Variants in SCML4 observed in about 807,000 individuals in gnomAD.
SCML4 encodes sex comb on midleg-like protein 4.
In SCML4, 34 loss-of-function variants were observed where a neutral mutation model predicts 41.1. That is an observed-to-expected ratio of 0.83 (90% confidence interval 0.63 to 1.10). The LOEUF is 1.10. Ranked by LOEUF, SCML4 falls within the 50% of genes least tolerant of loss-of-function variation. The pLI is 0.00. For synonymous variants in SCML4, 214 were observed against 220.9 expected (o/e 0.97, Z 0.28); for missense variants, 522 against 534.1 (o/e 0.98, Z 0.22).
At chr6:107,818,472 C>G (rs1250549315) in intron 1 of SCML4, among the ~76,000 whole-genome samples, 1 of 152,228 alleles carries the variant, frequency 6.6e-6, no homozygotes, top group African/African-American at 2.4e-5. Context: ...GAATCAACAG[C>G]ATGTCTTAAT....
intron 6 of SCML4, 77 bp from the exon 7 acceptor site, chr6:107,708,088 C>T: frequency 6.7e-7 from 1 of 1,485,076 alleles, no homozygotes; most frequent in East Asian, 2.5e-5. Flanking sequence ...CCTGCCCCCA[C>T]CTAGCCTGGA....
chr6:107,710,078 G>A (rs143537193), intron 6 of SCML4, among the ~76,000 whole-genome samples: 1 of 152,266 alleles, frequency 6.6e-6, no homozygotes, highest in Non-Finnish European at 1.5e-5. Flanking sequence ...ATTCCACTTT[G>A]TAGTACAATT....
rs57752589 is a variant in SCML4 at position 107,737,228 on chromosome 6, G to A, written c.682+7721C>T. Among the ~76,000 whole-genome samples the A allele has an allele frequency of 6.7e-3, 1,022 of 152,332 alleles. 12 individuals are homozygous for A. The highest frequency in any genetic ancestry group is 0.023 in the African/African-American group (972 of 41,566). On this transcript the variant is annotated intron_variant, in intron 5 of 7. Transcript: ENST00000369020. ...AGCAGAATCAAATGCCATTGTGGACGTGGAAATAAGGATCTGGGGAGAACA... is the reference window on the plus strand; with the variant it reads ...AGCAGAATCAAATGCCATTGTGGACATGGAAATAAGGATCTGGGGAGAACA...
chr6:107,706,467 T>C (rs998609135), intron 7 of SCML4, among the ~76,000 whole-genome samples: 1 of 152,202 alleles, frequency 6.6e-6, no homozygotes, highest in East Asian at 1.9e-4. Context: ...GCATGATTTC[T>C]ATGACAGAAT....
At chr6:107,714,179 C>G (rs1774518345) in intron 6 of SCML4, among the ~76,000 whole-genome samples, 1 of 152,184 alleles carries the variant, frequency 6.6e-6, no homozygotes. Context: ...TTGAGACCAG[C>G]TGGCCTGCCT....
In SCML4 at chr6:107,722,308, C is replaced by T. The variant is rs57627565; in HGVS notation, c.683-1315G>A. ...CCTGTTGAACTCCCTGTGAGCTACACCTGTGGCCGAATGGTGGGTTTTTTG... is the reference window on the plus strand; with the variant it reads ...CCTGTTGAACTCCCTGTGAGCTACATCTGTGGCCGAATGGTGGGTTTTTTG... On this transcript the variant is annotated intron_variant, in intron 5 of 7. Coordinates refer to ENST00000369020, the MANE Select transcript of SCML4 (RefSeq NM_198081.5). Among the ~76,000 whole-genome samples, 969 of 152,034 alleles carry T rather than the reference C, an allele frequency of 6.4e-3. 12 individuals carry two copies. The highest frequency in any genetic ancestry group is 0.023 in the African/African-American group (938 of 41,436).
chr6:107,708,831 G>A (rs1773948503), intron 6 of SCML4, among the ~76,000 whole-genome samples: 1 of 152,198 alleles, frequency 6.6e-6, no homozygotes. Flanking sequence ...AGACAGCAAT[G>A]AGTTCAATGG....
chr6:107,745,030 G>A lies in SCML4; in HGVS notation c.601C>T (p.Leu201Phe). ...CTGGGGAAGGGCTGGTGGCTGAAGA[G>A]GTCATCGCACAGGAGGCTTCGGCAC... ...KLCRSLLCDD[L>F]FSHQPFPRGC... Residue 201 changes from leucine to phenylalanine, a missense_variant, in exon 5 of 8, where the codon CTC becomes TTC. Physicochemically the swap from Leu to Phe is conservative, Grantham distance 22 (BLOSUM62 0). Transcript: ENST00000369020. The A allele has an allele frequency of 6.2e-7, 1 of 1,614,146 alleles. No individual in the cohort carries two copies.
intron 6 of SCML4, among the ~76,000 whole-genome samples, chr6:107,716,267 T>G (rs1443678201): frequency 1.3e-5 from 2 of 152,128 alleles, no homozygotes; most frequent in African/African-American, 2.4e-5. Context: ...CTTCTCCATC[T>G]CTTAGAACCT....
At chr6:107,802,222 T>C (rs1398989520) in intron 1 of SCML4, among the ~76,000 whole-genome samples, 2 of 152,136 alleles carry the variant, frequency 1.3e-5, no homozygotes, top group African/African-American at 4.8e-5. Context: ...CCAAATGATA[T>C]GCAGCAAGTC....
intron 1 of SCML4, among the ~76,000 whole-genome samples, chr6:107,772,741 C>CAATAATATTATTAT (rs1216499905): frequency 6.6e-6 from 1 of 152,196 alleles, no homozygotes; most frequent in Non-Finnish European, 1.5e-5. Context: ...CAACTTTGAA[C>CAATAATATTATTAT]TGTTGTAACA....
chr6:107,840,281 T>C, the SCML4 span, among the ~76,000 whole-genome samples: 1 of 152,246 alleles, frequency 6.6e-6, no homozygotes, highest in Admixed American at 6.5e-5. Flanking sequence ...ATTGAATGCA[T>C]AGACTGTGCC....
intron 2 of SCML4, among the ~76,000 whole-genome samples, chr6:107,765,926 T>C (rs1383403674): frequency 6.6e-6 from 1 of 152,260 alleles, no homozygotes; most frequent in Non-Finnish European, 1.5e-5. Context: ...CTTAAAAGCA[T>C]GTCATGTCTA....
intron 1 of SCML4, among the ~76,000 whole-genome samples, chr6:107,795,673 G>A (rs576905689): frequency 3.7e-4 from 56 of 152,112 alleles, no homozygotes; most frequent in Admixed American, 4.6e-4. Context: ...GGTTACAGGC[G>A]CGCACCACCA....
intron 2 of SCML4, among the ~76,000 whole-genome samples, chr6:107,767,431 G>T (rs4946862): frequency 1.3e-5 from 2 of 151,964 alleles, no homozygotes; most frequent in African/African-American, 4.8e-5. Flanking sequence ...GAATACTCAA[G>T]TTTCTACTTA....
At chr6:107,760,256 T>C (rs1779478413) in intron 2 of SCML4, among the ~76,000 whole-genome samples, 1 of 152,118 alleles carries the variant, frequency 6.6e-6, no homozygotes, top group Admixed American at 6.5e-5. Flanking sequence ...AATGAATAAA[T>C]GCAAAAATGA....
At chr6:107,797,156 A>G (rs1286984198) in intron 1 of SCML4, among the ~76,000 whole-genome samples, 1 of 152,074 alleles carries the variant, frequency 6.6e-6, no homozygotes, top group East Asian at 1.9e-4. Context: ...TTTGCATTTG[A>G]ATTTCCATAT....
intron 1 of SCML4, among the ~76,000 whole-genome samples, chr6:107,779,873 G>T (rs181469798): frequency 6.6e-6 from 1 of 152,058 alleles, no homozygotes; most frequent in South Asian, 2.1e-4. Context: ...GCCTTTCCTC[G>T]TCCACACACT....
intron 1 of SCML4, among the ~76,000 whole-genome samples, chr6:107,807,292 G>A (rs1783812303): frequency 6.6e-6 from 1 of 152,182 alleles, no homozygotes; most frequent in South Asian, 2.1e-4. Flanking sequence ...GGCACTGACA[G>A]CTGAGTAGCT....
Sources: gnomAD v4.1 joint callset for allele counts (sites outside exome capture counted in the v4.1 genomes callset) on GRCh38, gnomAD v4.1.1 for gene constraint, MANE v1.5 for transcripts, NCBI Gene and HGNC (gene_info 2026-07-23, HGNC 2026-07-21) for gene names.